UBASH3A: variants seen among roughly 807,000 people sequenced by gnomAD.
UBASH3A encodes the protein ubiquitin-associated and SH3 domain-containing protein A.
In UBASH3A, 63 loss-of-function variants were observed where a neutral mutation model predicts 73.5. The observed-to-expected ratio is 0.86, with a 90% CI of 0.70 to 1.06. UBASH3A has a LOEUF of 1.06. UBASH3A is among the 50% of genes least tolerant of loss of function. The pLI is 0.00. For missense variants in UBASH3A, 860 were observed against 859.0 expected (o/e 1.00, Z -0.02); for synonymous variants, 363 against 351.1 (o/e 1.03, Z -0.38).
At chr21:42,440,776 A>G (rs1449592687) in intron 11 of UBASH3A, among the ~76,000 whole-genome samples, 1 of 152,098 alleles carries the variant, frequency 6.6e-6, no homozygotes, top group East Asian at 1.9e-4. Context: ...TTCTTTCCCT[A>G]CCCAACCTCT....
chr21:42,411,238 A>T (rs2053087590), intron 3 of UBASH3A, among the ~76,000 whole-genome samples: 1 of 152,018 alleles, frequency 6.6e-6, no homozygotes, highest in Admixed American at 6.5e-5. Flanking sequence ...ACATACACAG[A>T]CACACACAGA....
At chr21:42,428,745 G>A (rs190549539) in intron 8 of UBASH3A, among the ~76,000 whole-genome samples, 42 of 152,102 alleles carry the variant, frequency 2.8e-4, no homozygotes, top group Admixed American at 1.2e-3. Context: ...GTCTCTGCTC[G>A]TAGCTCAGCC....
chr21:42,407,454 C>CA (rs2053000356), intron 2 of UBASH3A, among the ~76,000 whole-genome samples: 1 of 152,216 alleles, frequency 6.6e-6, no homozygotes, highest in African/African-American at 2.4e-5. Flanking sequence ...AAGCCCACTG[C>CA]TGTGAAGGGC....
rs1314653810 is a variant in UBASH3A, at chr21:42,416,537, G to C, written c.763G>C (p.Ala255Pro). ...HQRTLEQLAR[A>P]IPLGHSCQWT... ...GAGGACGCTGGAGCAGCTGGCCAGA[G>C]CCATCCCCCTGGGCCACAGCTGCCA... The change falls in exon 6 of 15, where the codon GCC becomes CCC. Residue 255 changes from alanine to proline, a missense_variant. Ala to Pro is a conservative substitution (Grantham distance 27). Transcript: ENST00000319294. The C allele has an allele frequency of 1.2e-6, 2 of 1,611,130 alleles. No homozygotes were observed. Among genetic ancestry groups the C allele is most frequent in the Non-Finnish European group, 1.7e-6 (2 of 1,178,850 alleles).
rs756243924 is a variant in UBASH3A at position 42,418,586 on chromosome 21, G to A, written c.1023G>A (p.Glu341=). 1.2e-6 allele frequency: 2 copies of A among 1,614,142 alleles called. No homozygotes were observed. Among genetic ancestry groups the A allele is most frequent in the East Asian group, 2.2e-5 (1 of 44,886 alleles). The part of the protein sequence containing the change: ...LPENYTDRAS[E]SDTWVKHRMY... Reference sequence around the variant, plus strand: ...AAAACTACACGGATCGAGCCAGTGAGTCTGACACGTGGGTGAAGCACAGGT... The same window carrying A: ...AAAACTACACGGATCGAGCCAGTGAATCTGACACGTGGGTGAAGCACAGGT... The change falls in exon 7 of 15, where the codon GAG becomes GAA. Residue 341 remains glutamate, a synonymous_variant. Coordinates refer to ENST00000319294, the MANE Select transcript of UBASH3A (RefSeq NM_018961.4).
intron 8 of UBASH3A, among the ~76,000 whole-genome samples, chr21:42,428,939 A>G (rs1601587751): frequency 6.6e-6 from 1 of 152,170 alleles, no homozygotes; most frequent in African/African-American, 2.4e-5. Flanking sequence ...GAACTTGTGC[A>G]TGTGACCTTA....
chr21:42,426,696 G>A lies in UBASH3A; in HGVS notation c.1047-1G>A. On this transcript the variant is annotated splice_acceptor_variant, in intron 7 of 14. Transcript: ENST00000319294. LOFTEE classifies it high-confidence loss of function. Reference sequence around the variant, plus strand: ...CAAGCCGTGCTTTCCTTCCCCTGCAGGATGTACACCTTCAGTCTAGCCACA... The same window carrying A: ...CAAGCCGTGCTTTCCTTCCCCTGCAAGATGTACACCTTCAGTCTAGCCACA... 2 of 1,613,636 alleles carry A rather than the reference G, an allele frequency of 1.2e-6. No individual in the cohort carries two copies. The highest frequency in any genetic ancestry group is 1.3e-5 in the African/African-American group (1 of 75,010).
chr21:42,410,112 T>G (rs1373548492), intron 3 of UBASH3A: 1 of 702,314 alleles, frequency 1.4e-6, no homozygotes, highest in East Asian at 2.7e-5. Context: ...TTTCCCTGTC[T>G]CAGGGACCAG....
chr21:42,439,509 A>G (rs1044727313), intron 11 of UBASH3A, among the ~76,000 whole-genome samples: 1 of 152,164 alleles, frequency 6.6e-6, no homozygotes, highest in African/African-American at 2.4e-5. Context: ...TCTTTGACCA[A>G]ACCACGAAAG....
chr21:42,441,354 C>A (rs543560901), intron 11 of UBASH3A, among the ~76,000 whole-genome samples: 5 of 151,462 alleles, frequency 3.3e-5, no homozygotes, highest in Non-Finnish European at 7.4e-5. Flanking sequence ...TCACACTGTT[C>A]CTTCATCTTA....
rs2052976541 is a variant in UBASH3A at position 42,406,365 on chromosome 21, A to G, written c.167+4A>G. 6.2e-7 allele frequency: 1 copy of G among 1,612,956 alleles called. No homozygotes were observed. The highest frequency in any genetic ancestry group is 1.7e-5 in the Admixed American group (1 of 60,002). On this transcript the variant is annotated splice_donor_region_variant and intron_variant, in intron 2 of 14. Transcript: ENST00000319294. ...CGGCGGAGGAGGCCTTGGCCTGGTGAGTGCAGCTGCTTCTGTAGACCCAGG... is the reference window on the plus strand; with the variant it reads ...CGGCGGAGGAGGCCTTGGCCTGGTGGGTGCAGCTGCTTCTGTAGACCCAGG...
chr21:42,435,193 A>G, intron 10 of UBASH3A: 1 of 356,778 alleles, frequency 2.8e-6, no homozygotes, highest in South Asian at 6.3e-5. Context: ...GTTGGCAGGA[A>G]TGAAAGAAAG....
intron 14 of UBASH3A, among the ~76,000 whole-genome samples, chr21:42,446,456 GT>G (rs2053845510): frequency 6.6e-6 from 1 of 152,162 alleles, no homozygotes; most frequent in Admixed American, 6.5e-5. Flanking sequence ...CCCCCTGCCA[GT>G]TGGCATTTTT....
intron 11 of UBASH3A, among the ~76,000 whole-genome samples, chr21:42,439,835 C>CACACACA (rs1221268513): frequency 6.8e-6 from 1 of 146,174 alleles, no homozygotes; most frequent in Admixed American, 6.8e-5. Flanking sequence ...CACACACACC[C>CACACACA]ACACACAACA....
intron 8 of UBASH3A, among the ~76,000 whole-genome samples, chr21:42,428,694 A>ATCTCCAC (rs1447940733): frequency 1.2e-4 from 18 of 151,828 alleles, no homozygotes; most frequent in African/African-American, 4.1e-4. Context: ...TACTGTGGAG[A>ATCTCCAC]AGTACCCAGG....
chr21:42,437,224 C>T (rs2053640455), intron 10 of UBASH3A, among the ~76,000 whole-genome samples: 1 of 152,264 alleles, frequency 6.6e-6, no homozygotes, highest in South Asian at 2.1e-4. Flanking sequence ...GAGATAATCA[C>T]TGCTTTTAAT....
intron 1 of UBASH3A, among the ~76,000 whole-genome samples, chr21:42,404,964 C>T (rs565963886): frequency 4.0e-4 from 61 of 152,302 alleles, no homozygotes; most frequent in Non-Finnish European, 7.3e-4. Flanking sequence ...TTCATTTTTT[C>T]ACATGGAAAA....
In UBASH3A at chr21:42,413,403, C is replaced by T. The variant is rs1036265086; in HGVS notation, c.554-7C>T. ...CGGGCTCAGTGGCTGCACCTGTCCTCACCCAGGCACTTCCGTTTCCCGCTT... is the reference window on the plus strand; with the variant it reads ...CGGGCTCAGTGGCTGCACCTGTCCTTACCCAGGCACTTCCGTTTCCCGCTT... On this transcript the variant is annotated splice_region_variant and splice_polypyrimidine_tract_variant and intron_variant, in intron 4 of 14. Transcript: ENST00000319294. This position sits in a 1 kb window ranked among gnomAD's most constrained non-coding sequence, Gnocchi z 4.5. 6.2e-7 allele frequency: 1 copy of T among 1,609,910 alleles called. No homozygotes were observed.
intron 7 of UBASH3A, among the ~76,000 whole-genome samples, chr21:42,419,740 G>A (rs750492433): frequency 1.3e-4 from 20 of 152,174 alleles, no homozygotes; most frequent in Admixed American, 3.9e-4. Context: ...ATAATGTTAC[G>A]AAAGTGATAT....
Sources: allele counts gnomAD v4.1 joint callset (sites outside exome capture counted in the v4.1 genomes callset), GRCh38; gene constraint gnomAD v4.1.1; non-coding constraint Gnocchi (gnomAD v3.1); transcripts MANE v1.5; gene names NCBI Gene and HGNC (gene_info 2026-07-23, HGNC 2026-07-21).